PPP2R5E: variants seen among roughly 807,000 people sequenced by gnomAD.
PPP2R5E encodes serine/threonine-protein phosphatase 2A 56 kDa regulatory subunit epsilon isoform.
A neutral mutation model predicts 65.3 loss-of-function variants in PPP2R5E; 4 were observed. That is an observed-to-expected ratio of 0.06 (90% confidence interval 0.03 to 0.14). The LOEUF (loss-of-function observed/expected upper bound fraction) is 0.14, where lower values mean the gene tolerates loss of function less well. Ranked by LOEUF, PPP2R5E falls within the 10% of genes least tolerant of loss-of-function variation. PPP2R5E has a pLI of 1.00. For missense variants in PPP2R5E, 274 were observed against 556.1 expected (o/e 0.49, Z 5.10); for synonymous variants, 183 against 187.4 (o/e 0.98, Z 0.19).
At chr14:63,487,543 G>A (rs553211127) in intron 2 of PPP2R5E, among the ~76,000 whole-genome samples, 8 of 152,294 alleles carry the variant, frequency 5.3e-5, no homozygotes, top group African/African-American at 7.2e-5. Flanking sequence ...TAGGCATTTC[G>A]AAATCAATCT....
At chr14:63,381,516 A>G (rs1884355781) in intron 13 of PPP2R5E, among the ~76,000 whole-genome samples, 1 of 122,690 alleles carries the variant, frequency 8.2e-6, no homozygotes, top group South Asian at 3.1e-4. Flanking sequence ...AAATATTATT[A>G]AAGAAAGGAA....
At chr14:63,433,268 G>A (rs999557394) in intron 3 of PPP2R5E, among the ~76,000 whole-genome samples, 6 of 151,898 alleles carry the variant, frequency 4.0e-5, no homozygotes, top group African/African-American at 1.5e-4. Flanking sequence ...AAACTCCTGA[G>A]CACAGGCAAT....
intron 2 of PPP2R5E, among the ~76,000 whole-genome samples, chr14:63,480,340 C>T (rs1890632688): frequency 6.6e-6 from 1 of 152,132 alleles, no homozygotes; most frequent in Admixed American, 6.5e-5. Context: ...CCTGTAATCC[C>T]AGCTACTCGG....
rs149293026 is a variant in PPP2R5E, at chr14:63,496,618, A to G, written c.158-42733T>C. On this transcript the variant is annotated intron_variant, in intron 2 of 13. Transcript: ENST00000337537. ...GAACATTGTTTTAATAAGTGTTTAC[A>G]AAGTGCTTAATAAACATGTAATTTA... 5.9e-3 allele frequency among the ~76,000 whole-genome samples: 899 copies of G among 152,262 alleles called. 11 individuals are homozygous for G. Among genetic ancestry groups the G allele is most frequent in the African/African-American group, 0.02 (849 of 41,570 alleles).
At chr14:63,448,711 C>A (rs548751469) in intron 3 of PPP2R5E, among the ~76,000 whole-genome samples, 5 of 151,658 alleles carry the variant, frequency 3.3e-5, no homozygotes, top group African/African-American at 4.9e-5. Context: ...ATTGCTTAAA[C>A]CCCGGAGGCG....
At chr14:63,449,451 C>T (rs982450568) in intron 3 of PPP2R5E, among the ~76,000 whole-genome samples, 2 of 152,106 alleles carry the variant, frequency 1.3e-5, no homozygotes, top group East Asian at 1.9e-4. Context: ...TAAATATTGT[C>T]GCTAGTCCTC....
chr14:63,463,195 A>T (rs1180562066), intron 2 of PPP2R5E, among the ~76,000 whole-genome samples: 1 of 150,216 alleles, frequency 6.7e-6, no homozygotes, highest in African/African-American at 2.4e-5. Flanking sequence ...GGCTGGAGGC[A>T]ATGGCACAAT....
chr14:63,412,899 AC>A (rs1566683671), intron 5 of PPP2R5E, among the ~76,000 whole-genome samples: 1 of 152,236 alleles, frequency 6.6e-6, no homozygotes, highest in Admixed American at 6.5e-5. Flanking sequence ...AAGGGTGAAC[AC>A]AAAAGCTGTG....
At chr14:63,464,271 G>C (rs370202032) in intron 2 of PPP2R5E, among the ~76,000 whole-genome samples, 1 of 152,148 alleles carries the variant, frequency 6.6e-6, no homozygotes, top group African/African-American at 2.4e-5. Context: ...CATGTTATAC[G>C]GTGTATGCTA....
intron 2 of PPP2R5E, among the ~76,000 whole-genome samples, chr14:63,494,943 C>T (rs1891471328): frequency 6.6e-6 from 1 of 151,944 alleles, no homozygotes. Flanking sequence ...GTGGCTCATG[C>T]CTGTAATCCC....
chr14:63,523,726 AAAC>A (rs199811791), intron 2 of PPP2R5E, among the ~76,000 whole-genome samples: 1,669 of 150,864 alleles, frequency 0.011, 28 homozygotes, highest in African/African-American at 0.039. Flanking sequence ...TTAAAAAAAA[AAAC>A]AAAGGTTACA....
At chr14:63,513,822 C>T (rs1892555203) in intron 2 of PPP2R5E, among the ~76,000 whole-genome samples, 1 of 152,106 alleles carries the variant, frequency 6.6e-6, no homozygotes, top group South Asian at 2.1e-4. Flanking sequence ...AGAACTGGGG[C>T]CTCTGAGCTG....
At chr14:63,440,031 G>C (rs1482774531) in intron 3 of PPP2R5E, among the ~76,000 whole-genome samples, 1 of 152,138 alleles carries the variant, frequency 6.6e-6, no homozygotes, top group Non-Finnish European at 1.5e-5. Context: ...TGCAAGGTGG[G>C]GCCCCTCTAT....
chr14:63,443,478 C>A (rs879299053), intron 3 of PPP2R5E, among the ~76,000 whole-genome samples: 2 of 152,088 alleles, frequency 1.3e-5, no homozygotes, highest in East Asian at 1.9e-4. Context: ...ACCCAAGGTG[C>A]GAGCAATTAT....
chr14:63,532,934 G>A (rs1039809525), intron 2 of PPP2R5E, among the ~76,000 whole-genome samples: 3 of 152,074 alleles, frequency 2.0e-5, no homozygotes, highest in Non-Finnish European at 2.9e-5. Flanking sequence ...TCCTGGGCTC[G>A]AACTATCCTC....
intron 2 of PPP2R5E, among the ~76,000 whole-genome samples, chr14:63,513,034 A>G (rs1892524716): frequency 1.3e-5 from 2 of 152,080 alleles, no homozygotes; most frequent in Admixed American, 1.3e-4. Context: ...AACAACCAAA[A>G]AACCCCAGCT....
chr14:63,418,468 A>C (rs1286644674), intron 4 of PPP2R5E, among the ~76,000 whole-genome samples: 1 of 152,230 alleles, frequency 6.6e-6, no homozygotes, highest in East Asian at 1.9e-4. Context: ...TCTACGTCAA[A>C]ATCAAAAATC....
chr14:63,500,260 AC>A (rs1165092229), intron 2 of PPP2R5E, among the ~76,000 whole-genome samples: 1 of 152,236 alleles, frequency 6.6e-6, no homozygotes, highest in Non-Finnish European at 1.5e-5. Flanking sequence ...TGAAAGTAAA[AC>A]TTGGTTTTCA....
chr14:63,522,267 G>A lies in PPP2R5E; in HGVS notation c.157+17262C>T, dbSNP rs986810878. Among the ~76,000 whole-genome samples the A allele has an allele frequency of 9.3e-3, 1,413 of 152,208 alleles. 10 individuals carry two copies. The highest frequency in any genetic ancestry group is 0.015 in the Non-Finnish European group (1,051 of 67,994). ...AGTGCTCAATGTTGCCCAGGCTGGA[G>A]TGCAGTGGCGTGATCTCGGCTCGCT... On this transcript the variant is annotated intron_variant, in intron 2 of 13. Transcript: ENST00000337537.
Sources: gnomAD v4.1 joint callset for allele counts (sites outside exome capture counted in the v4.1 genomes callset) on GRCh38, gnomAD v4.1.1 for gene constraint, MANE v1.5 for transcripts, NCBI Gene and HGNC (gene_info 2026-07-23, HGNC 2026-07-21) for gene names.